Variants in DOCK4 observed in about 807,000 individuals in gnomAD.
The protein encoded by DOCK4 is dedicator of cytokinesis 4.
A neutral mutation model predicts 268.1 loss-of-function variants in DOCK4; 97 were observed. That is an observed-to-expected ratio of 0.36 (90% CI 0.31 to 0.43). DOCK4 has a LOEUF of 0.43. DOCK4 is among the 20% of genes least tolerant of loss of function. The probability of loss-of-function intolerance (pLI) is 1.00; values close to 1 mark genes in which losing one functional copy is unlikely to be tolerated. For synonymous variants in DOCK4, 954 were observed against 887.2 expected, an observed-to-expected ratio of 1.08 and a Z score of -1.34; for missense variants, 2,145 against 2,455.7, an observed-to-expected ratio of 0.87 and a Z score of 2.67.
At chr7:112,078,834 T>C (rs1808323962) in intron 1 of DOCK4, among the ~76,000 whole-genome samples, 1 of 151,988 alleles carries the variant, frequency 6.6e-6, no homozygotes, top group Non-Finnish European at 1.5e-5. Context: ...TATAAAGAAA[T>C]ATAAAATACG....
chr7:111,791,068 A>ATT (rs1446381886), intron 30 of DOCK4, among the ~76,000 whole-genome samples: 1,688 of 111,222 alleles, frequency 0.015, 36 homozygotes, highest in African/African-American at 0.064. Flanking sequence ...AAAAAAAAAA[A>ATT]ATTATATATA....
intron 1 of DOCK4, among the ~76,000 whole-genome samples, chr7:112,020,098 C>T (rs932978088): frequency 1.3e-5 from 2 of 152,186 alleles, no homozygotes; most frequent in Non-Finnish European, 2.9e-5. Flanking sequence ...TTCTCAATCA[C>T]CACCTGCTCC....
At chr7:111,773,932 G>A (rs1343066900) in intron 36 of DOCK4, among the ~76,000 whole-genome samples, 1 of 151,852 alleles carries the variant, frequency 6.6e-6, no homozygotes, top group Non-Finnish European at 1.5e-5. Context: ...TGGGAGGATC[G>A]CTTGGGCTTG....
At position 111,972,874 on chromosome 7, in the gene DOCK4, A is replaced by G. The variant is rs190234442; in HGVS notation, c.701+4258T>C. ...AAGTTCTTTAGTAGTGATTTCTGAG[A>G]TTTTGGTGCACCCATCACCTGAGCA... is the stretch of plus-strand genomic sequence containing the variant. On this transcript the variant is annotated intron_variant, in intron 8 of 52. Coordinates refer to ENST00000428084, the MANE Select transcript of DOCK4 (RefSeq NM_001363540.2). Among the ~76,000 whole-genome samples the G allele has an allele frequency of 5.6e-3, 842 of 150,062 alleles. 10 individuals are homozygous for G. Among genetic ancestry groups the G allele is most frequent in the African/African-American group, 0.02 (813 of 40,746 alleles).
At chr7:111,753,460 G>A (rs1403515537) in intron 42 of DOCK4, among the ~76,000 whole-genome samples, 1 of 152,156 alleles carries the variant, frequency 6.6e-6, no homozygotes, top group African/African-American at 2.4e-5. Context: ...GGGTGACAGA[G>A]CAAGACCCAG....
intron 11 of DOCK4, among the ~76,000 whole-genome samples, chr7:111,939,086 C>G (rs529376759): frequency 4.9e-4 from 74 of 152,122 alleles, no homozygotes; most frequent in Non-Finnish European, 9.4e-4. Context: ...GCCATGGATC[C>G]CCCAGTGACT....
At chr7:112,135,494 A>G (rs1814246091) in intron 1 of DOCK4, among the ~76,000 whole-genome samples, 1 of 152,172 alleles carries the variant, frequency 6.6e-6, no homozygotes, top group Non-Finnish European at 1.5e-5. Flanking sequence ...AGTCTAACTT[A>G]TTTATTAAAT....
chr7:111,841,772 C>T (rs921682950), intron 25 of DOCK4, among the ~76,000 whole-genome samples: 2 of 152,112 alleles, frequency 1.3e-5, no homozygotes, highest in South Asian at 2.1e-4. Context: ...GCCTGCCCTA[C>T]CCCACCTCCA....
intron 16 of DOCK4, among the ~76,000 whole-genome samples, chr7:111,887,319 A>G (rs943667841): frequency 6.6e-6 from 1 of 152,214 alleles, no homozygotes; most frequent in Non-Finnish European, 1.5e-5. Context: ...AAAGTTTTGC[A>G]CTAGAAAAAC....
intron 5 of DOCK4, among the ~76,000 whole-genome samples, chr7:111,990,085 G>A (rs1325337561): frequency 6.6e-6 from 1 of 152,042 alleles, no homozygotes; most frequent in Non-Finnish European, 1.5e-5. Context: ...TCTGTAAAAC[G>A]GGTATTATAG....
chr7:112,034,816 T>C (rs1375981773), intron 1 of DOCK4, among the ~76,000 whole-genome samples: 1 of 152,102 alleles, frequency 6.6e-6, no homozygotes, highest in Non-Finnish European at 1.5e-5. Context: ...GCAGGAGAAC[T>C]GCTTGAACCC....
chr7:112,170,591 T>A (rs989134687), intron 1 of DOCK4, among the ~76,000 whole-genome samples: 4 of 152,192 alleles, frequency 2.6e-5, no homozygotes, highest in Non-Finnish European at 5.9e-5. Context: ...TGACCTTCAT[T>A]AGTTACACAA....
chr7:111,982,428 C>T (rs560316363), intron 7 of DOCK4, among the ~76,000 whole-genome samples: 11 of 152,176 alleles, frequency 7.2e-5, no homozygotes, highest in South Asian at 2.1e-4. Flanking sequence ...GGCTCTCCAA[C>T]GTAGATGAAT....
chr7:111,809,240 A>G, intron 29 of DOCK4, 61 bp downstream of exon 29: 1 of 1,303,988 alleles, frequency 7.7e-7, no homozygotes, highest in South Asian at 1.3e-5. Context: ...TTTATGAATC[A>G]TTTGAACTAA....
At chr7:112,162,155 C>A (rs1297360217) in intron 1 of DOCK4, among the ~76,000 whole-genome samples, 1 of 152,160 alleles carries the variant, frequency 6.6e-6, no homozygotes. Flanking sequence ...TAGCGTGAAG[C>A]CTCATTTATC....
At position 111,728,634 on chromosome 7, in the gene DOCK4, G is replaced by A; in HGVS notation, c.5568C>T (p.Tyr1856=). 6.2e-7 allele frequency: 1 copy of A among 1,614,042 alleles called. No individual in the cohort carries two copies. Among genetic ancestry groups the A allele is most frequent in the Non-Finnish European group, 8.5e-7 (1 of 1,179,902 alleles). Residue 1856 remains tyrosine, a synonymous_variant, in exon 53 of 53, where the codon TAC becomes TAT. Transcript: ENST00000428084. ...GGCTGAGAGAAGAAATCCCACTGCT[G>A]TAGCTGCCCGACAAGACAGGGGAGT... ...ISNSPVLSGS[Y]SSGISSLSRC...
intron 1 of DOCK4, among the ~76,000 whole-genome samples, chr7:112,184,414 G>A (rs1171766783): frequency 6.6e-6 from 1 of 152,234 alleles, no homozygotes; most frequent in East Asian, 1.9e-4. Flanking sequence ...GTGCAGAGCT[G>A]TAGTCTCCAC....
intron 11 of DOCK4, among the ~76,000 whole-genome samples, chr7:111,938,856 T>A (rs574435766): frequency 6.6e-6 from 1 of 151,784 alleles, no homozygotes; most frequent in African/African-American, 2.4e-5. Flanking sequence ...GCGCCTGTAA[T>A]CCCAGCTACT....
chr7:111,852,157 T>C (rs1804628022), intron 23 of DOCK4, among the ~76,000 whole-genome samples: 1 of 151,824 alleles, frequency 6.6e-6, no homozygotes, highest in Non-Finnish European at 1.5e-5. Context: ...AGAGACGGGG[T>C]TTCACCATAT....
Sources: allele counts gnomAD v4.1 joint callset (sites outside exome capture counted in the v4.1 genomes callset), GRCh38; gene constraint gnomAD v4.1.1; transcripts MANE v1.5; gene names NCBI Gene and HGNC (gene_info 2026-07-23, HGNC 2026-07-21).